Variants in SLC66A3 observed in about 807,000 individuals in gnomAD.
The protein encoded by SLC66A3 is solute carrier family 66 member 3, also known as PQ loop repeat containing 3.
In SLC66A3, 23 loss-of-function variants were observed where a neutral mutation model predicts 25.5. The ratio of observed to expected loss-of-function variants is 0.90; its 90% confidence interval spans 0.65 to 1.28. SLC66A3 has a LOEUF of 1.28. SLC66A3 is among the 50% of genes most tolerant of loss of function. SLC66A3 has a pLI of 0.00. For synonymous variants in SLC66A3, 108 were observed against 112.6 expected, an observed-to-expected ratio of 0.96 and a Z score of 0.26; for missense variants, 246 against 262.1, an observed-to-expected ratio of 0.94 and a Z score of 0.42.
chr2:11,162,523 G>A (rs1328591786), intron 3 of SLC66A3, among the ~76,000 whole-genome samples: 3 of 152,238 alleles, frequency 2.0e-5, no homozygotes, highest in African/African-American at 4.8e-5. Context: ...GTATCAGCAA[G>A]ATGCTTATAA....
At chr2:11,169,550 C>T (rs1427640350) in intron 4 of SLC66A3, among the ~76,000 whole-genome samples, 2 of 152,136 alleles carry the variant, frequency 1.3e-5, no homozygotes, top group African/African-American at 2.4e-5. Context: ...GGAAGCCGTG[C>T]TCCCCAGTGT....
At chr2:11,168,217 A>G (rs1026329590) in intron 4 of SLC66A3, among the ~76,000 whole-genome samples, 17 of 151,840 alleles carry the variant, frequency 1.1e-4, no homozygotes, top group East Asian at 3.9e-4. Flanking sequence ...CCCGGGAGGC[A>G]GAGGTTGCAG....
chr2:11,158,619 G>A (rs1257079927), intron 1 of SLC66A3, among the ~76,000 whole-genome samples: 1 of 152,120 alleles, frequency 6.6e-6, no homozygotes, highest in African/African-American at 2.4e-5. Context: ...CCGAGATCGT[G>A]CCACTGCACT....
At chr2:11,165,105 C>T (rs185268090) in intron 4 of SLC66A3, among the ~76,000 whole-genome samples, 10,590 of 151,048 alleles carry the variant, frequency 0.07, 464 homozygotes, top group African/African-American at 0.13. Flanking sequence ...CCAGAAGGGG[C>T]GGCCGGGCAG....
At chr2:11,158,886 G>A (rs1253745797) in intron 1 of SLC66A3, among the ~76,000 whole-genome samples, 1 of 152,222 alleles carries the variant, frequency 6.6e-6, no homozygotes, top group Non-Finnish European at 1.5e-5. Context: ...AGGCTGCAGG[G>A]ATGGGGGGAG....
In SLC66A3 at chr2:11,160,686, C is replaced by T. The variant is rs1306531918; in HGVS notation, c.288C>T (p.Tyr96=). 18 of 1,613,858 alleles carry T rather than the reference C, an allele frequency of 1.1e-5. 1 individual carries two copies. Among genetic ancestry groups the T allele is most frequent in the South Asian group, 5.5e-5 (5 of 91,076 alleles). Residue 96 remains tyrosine (Y), a synonymous_variant, in exon 3 of 7, where the codon TAC becomes TAT. Coordinates refer to ENST00000295083, the MANE Select transcript of SLC66A3 (RefSeq NM_152391.5). The part of the protein sequence containing the change: ...FNGNVKQATP[Y]IAVLVSSWFI... The stretch of plus-strand genomic sequence containing the variant: ...GGAACGTGAAGCAGGCCACTCCTTA[C>T]ATCGCTGTGTATCCTTTCTGAATCT...
Position 11,177,749 on chromosome 2 carries a change from T to G in SLC66A3, c.530T>G (p.Phe177Cys). Residue 177 changes from phenylalanine (F) to cysteine (C), a missense_variant, in exon 7 of 7, where the codon TTT (phenylalanine) becomes TGT (cysteine). By Grantham distance (205) the Phe-to-Cys change is radical. Transcript: ENST00000295083. ...TTTTTTATTTCAGTTCTTCTACGTT[T>G]TGTGATCATGCTGGCTTTAAATATA... Reference protein sequence around the residue: ...TTNDFTILLRFVIMLALNIWV... With the variant: ...TTNDFTILLRCVIMLALNIWV... 6.2e-7 allele frequency: 1 copy of G among 1,609,448 alleles called. No homozygotes were observed. The highest frequency in any genetic ancestry group is 1.3e-5 in the African/African-American group (1 of 74,978).
intron 4 of SLC66A3, among the ~76,000 whole-genome samples, chr2:11,168,003 G>A (rs189747144): frequency 1.1e-4 from 17 of 152,174 alleles, no homozygotes; most frequent in African/African-American, 1.4e-4. Flanking sequence ...CTGCAAGGCC[G>A]GGTGCGGTGG....
chr2:11,170,184 G>A (rs1662499661), intron 4 of SLC66A3, among the ~76,000 whole-genome samples: 1 of 152,102 alleles, frequency 6.6e-6, no homozygotes, highest in African/African-American at 2.4e-5. Flanking sequence ...AGCAAATCCT[G>A]TTGGCTTTGC....
At chr2:11,160,571 G>A in intron 2 of SLC66A3, 23 bp downstream of exon 2, 1 of 1,614,110 alleles carries the variant, frequency 6.2e-7, no homozygotes, top group South Asian at 1.1e-5. Context: ...TCCCTGTCCA[G>A]CGGACTGCCA....
rs1456153602 is a variant in SLC66A3, at chr2:11,160,894, C to T, written c.296+200C>T. ...GCCCCTGCTGCTCCTCCGAGACCAGCATGCCCTGGGCGGTGCCAGCAGGCC... is the reference window on the plus strand; with the variant it reads ...GCCCCTGCTGCTCCTCCGAGACCAGTATGCCCTGGGCGGTGCCAGCAGGCC... On this transcript the variant is annotated intron_variant, in intron 3 of 6. Coordinates refer to ENST00000295083, the MANE Select transcript of SLC66A3 (RefSeq NM_152391.5). 3 of 871,592 alleles carry T rather than the reference C, an allele frequency of 3.4e-6. No homozygotes were observed. The Admixed American group carries it at 8.6e-5, about 25-fold the overall frequency. The allele number at this position is 871,592 out of a possible 1,614,324, so 54.0% of individuals were successfully genotyped here.
intron 5 of SLC66A3, among the ~76,000 whole-genome samples, chr2:11,174,316 T>A (rs532883522): frequency 2.6e-5 from 4 of 152,214 alleles, no homozygotes; most frequent in African/African-American, 9.6e-5. Context: ...GATGCTCAAT[T>A]TGTAAATGAG....
chr2:11,176,389 T>C (rs532323037), intron 6 of SLC66A3, among the ~76,000 whole-genome samples: 1 of 152,038 alleles, frequency 6.6e-6, no homozygotes, highest in South Asian at 2.1e-4. Context: ...CTAATTTTTG[T>C]ATTTTTAGTA....
At chr2:11,155,753 A>C (rs948812904) in intron 1 of SLC66A3, 64 bp downstream of exon 1, 3 of 1,298,292 alleles carry the variant, frequency 2.3e-6, no homozygotes, top group South Asian at 4.1e-5. Context: ...CTGGGAGCCC[A>C]GGAGAGCCTC....
chr2:11,161,618 A>G (rs576587317), intron 3 of SLC66A3, among the ~76,000 whole-genome samples: 5 of 152,266 alleles, frequency 3.3e-5, no homozygotes, highest in Admixed American at 1.3e-4. Context: ...TTCTGGGGCC[A>G]AGGAATCTTC....
intron 1 of SLC66A3, among the ~76,000 whole-genome samples, chr2:11,156,883 G>A (rs1661923162): frequency 6.6e-6 from 1 of 152,184 alleles, no homozygotes; most frequent in South Asian, 2.1e-4. Flanking sequence ...GAGCAGAGAG[G>A]CTGGAGCGAT....
Position 11,177,835 on chromosome 2 carries a change from C to G in SLC66A3, c.*7C>G. On this transcript the variant is annotated 3_prime_UTR_variant, in exon 7 of 7. Transcript: ENST00000295083. The stretch of plus-strand genomic sequence containing the variant: ...CGCTATAAAGGCTGAATGATGGATA[C>G]ATTATTCCTTCACACAGTGGATTTT... 2 of 1,532,226 alleles carry G rather than the reference C, an allele frequency of 1.3e-6. No homozygotes were observed. The highest frequency in any genetic ancestry group is 1.8e-6 in the Non-Finnish European group (2 of 1,107,460). The allele number at this position is 1,532,226 out of a possible 1,614,324, so 94.9% of individuals were successfully genotyped here.
intron 5 of SLC66A3, among the ~76,000 whole-genome samples, chr2:11,173,064 T>C (rs566666384): frequency 1.3e-5 from 2 of 152,172 alleles, no homozygotes; most frequent in Non-Finnish European, 2.9e-5. Flanking sequence ...GTTTTCACCA[T>C]GTTGGCCAGG....
intron 4 of SLC66A3, among the ~76,000 whole-genome samples, chr2:11,168,010 G>C (rs922557869): frequency 6.6e-6 from 1 of 152,216 alleles, no homozygotes; most frequent in African/African-American, 2.4e-5. Context: ...GCCGGGTGCG[G>C]TGGCTCACGC....
Sources: allele counts gnomAD v4.1 joint callset (sites outside exome capture counted in the v4.1 genomes callset), GRCh38; gene constraint gnomAD v4.1.1; transcripts MANE v1.5; gene names NCBI Gene and HGNC (gene_info 2026-07-23, HGNC 2026-07-21).